Variants in ZNF24 observed in about 807,000 individuals in gnomAD.
ZNF24 encodes the protein retinoic acid suppression protein A.
ZNF24 carries 11 observed loss-of-function variants against 40.9 expected under a neutral mutation model. The ratio of observed to expected loss-of-function variants is 0.27; its 90% confidence interval spans 0.17 to 0.45. ZNF24 has a LOEUF of 0.45. Ranked by LOEUF, ZNF24 falls within the 20% of genes least tolerant of loss-of-function variation. The pLI, the probability that ZNF24 is intolerant of heterozygous loss-of-function variation, is 1.00. For missense variants in ZNF24, 293 were observed against 437.7 expected, an observed-to-expected ratio of 0.67 and a Z score of 2.95; for synonymous variants, 139 against 154.7, an observed-to-expected ratio of 0.90 and a Z score of 0.75.
Position 35,340,072 on chromosome 18 carries a change from G to C in ZNF24, c.421-96C>G. 6.7e-7 allele frequency: 1 copy of C among 1,502,240 alleles called. No individual in the cohort carries two copies. The highest frequency in any genetic ancestry group is 1.8e-4 in the Middle Eastern group (1 of 5,582). 93.1% of individuals were successfully genotyped at this position (1,502,240 alleles called of 1,614,324 possible). A position where few individuals can be genotyped will look rare whatever the true frequency, so the allele number is the denominator to read the frequency against. On this transcript the variant is annotated intron_variant, in intron 2 of 3. Transcript: ENST00000261332. The surrounding 1 kb of genome is among the most constrained non-coding windows in gnomAD (Gnocchi z 4.6). The stretch of plus-strand genomic sequence containing the variant: ...ACCCCATGAAACAAATACTGCAGAA[G>C]CCTAGATGGCAAAGCGGCACAGATA...
At position 35,340,136 on chromosome 18, in the gene ZNF24, A is replaced by G. The variant is rs990345472; in HGVS notation, c.420+95T>C. ...GGGGAATGGGGGAAAAGGCATAAACATAATTCTAACTTAGTTGAGTGGAAT... is the reference window on the plus strand; with the variant it reads ...GGGGAATGGGGGAAAAGGCATAAACGTAATTCTAACTTAGTTGAGTGGAAT... On this transcript the variant is annotated intron_variant, in intron 2 of 3. Transcript: ENST00000261332. This position sits in a 1 kb window ranked among gnomAD's most constrained non-coding sequence, Gnocchi z 4.6. The G allele has an allele frequency of 2.1e-5, 32 of 1,521,204 alleles. No individual in the cohort carries two copies. The highest frequency in any genetic ancestry group is 9.7e-5 in the African/African-American group (7 of 72,522). The allele number at this position is 1,521,204 out of a possible 1,614,324, so 94.2% of individuals were successfully genotyped here.
intron 3 of ZNF24, chr18:35,338,981 G>A: frequency 6.5e-7 from 1 of 1,531,266 alleles, no homozygotes; most frequent in South Asian, 1.2e-5. Flanking sequence ...AAGTTGACTG[G>A]CTGGCACTGT....
At chr18:35,343,210 A>C (rs2044985350) in intron 1 of ZNF24, among the ~76,000 whole-genome samples, 1 of 152,184 alleles carries the variant, frequency 6.6e-6, no homozygotes, top group Non-Finnish European at 1.5e-5. Flanking sequence ...TCTTGCACAT[A>C]ATACGTAAAT....
chr18:35,343,316 C>T (rs1333766206), intron 1 of ZNF24, among the ~76,000 whole-genome samples: 1 of 152,168 alleles, frequency 6.6e-6, no homozygotes, highest in Non-Finnish European at 1.5e-5. Context: ...CGCATAAGCA[C>T]CTTGACTTCC....
chr18:35,342,082 GCTA>G (rs1373196848), intron 1 of ZNF24, among the ~76,000 whole-genome samples: 2 of 152,072 alleles, frequency 1.3e-5, no homozygotes, highest in African/African-American at 4.8e-5. Flanking sequence ...TGTAGTCCCA[GCTA>G]CTGGGGAGAT....
At chr18:35,341,318 C>T (rs11877024) in intron 1 of ZNF24, among the ~76,000 whole-genome samples, 2 of 152,154 alleles carry the variant, frequency 1.3e-5, no homozygotes, top group Non-Finnish European at 2.9e-5. Context: ...AAGGTCAATA[C>T]ATTACTCACA....
At chr18:35,338,830 C>G (rs2044938130) in intron 3 of ZNF24, 1 of 1,344,178 alleles carries the variant, frequency 7.4e-7, no homozygotes, top group African/African-American at 1.5e-5. Context: ...TGAAAAGTCA[C>G]TCTAAAATTC....
At position 35,340,705 on chromosome 18, in the gene ZNF24, G is replaced by A. The variant is rs563744361; in HGVS notation, c.-55C>T. ...ACTGAGGCAGAATATAAGCCTCAGGGCAATACCCCGTTTTCTTCACAGGCA... is the reference window on the plus strand; with the variant it reads ...ACTGAGGCAGAATATAAGCCTCAGGACAATACCCCGTTTTCTTCACAGGCA... On this transcript the variant is annotated 5_prime_UTR_variant, in exon 2 of 4. Coordinates refer to ENST00000261332, the MANE Select transcript of ZNF24 (RefSeq NM_006965.4). This position sits in a 1 kb window ranked among gnomAD's most constrained non-coding sequence, Gnocchi z 4.6. 2.0e-6 allele frequency: 3 copies of A among 1,516,092 alleles called. No homozygotes were observed. Among genetic ancestry groups the A allele is most frequent in the Middle Eastern group, 1.8e-4 (1 of 5,712 alleles). The allele number at this position is 1,516,092 out of a possible 1,614,324, so 93.9% of individuals were successfully genotyped here. A position where few individuals can be genotyped will look rare whatever the true frequency, so the allele number is the denominator to read the frequency against.
In ZNF24 at chr18:35,335,336, C is replaced by T. The variant is rs1412769993; in HGVS notation, c.*1896G>A. On this transcript the variant is annotated 3_prime_UTR_variant, in exon 4 of 4. Transcript: ENST00000261332. ...ACATTTTCTTGTATAACTTAAAATA[C>T]ATTATATCATTACTACATATTTATA... 6.6e-6 allele frequency: 1 copy of T among 152,152 alleles called. No individual in the cohort carries two copies. The highest frequency in any genetic ancestry group is 1.5e-5 in the Non-Finnish European group (1 of 68,028). 9.4% of individuals were successfully genotyped at this position (152,152 alleles called of 1,614,324 possible).
At chr18:35,338,712 G>T in intron 3 of ZNF24, 12 of 1,145,822 alleles carry the variant, frequency 1.0e-5, no homozygotes, top group Non-Finnish European at 1.3e-5. Context: ...GAGGCTTGGA[G>T]ACTTGAAAAA....
In ZNF24 at chr18:35,337,641, CAGGTTT is replaced by C; in HGVS notation, c.692_697del (p.Glu231_Cys233delinsGly). 1 of 1,614,016 alleles carries C rather than the reference CAGGTTT, an allele frequency of 6.2e-7. No individual in the cohort carries two copies. Among genetic ancestry groups the C allele is most frequent in the Non-Finnish European group, 8.5e-7 (1 of 1,179,986 alleles). On this transcript the variant is annotated inframe_deletion, in exon 4 of 4. Coordinates refer to ENST00000261332, the MANE Select transcript of ZNF24 (RefSeq NM_006965.4). The stretch of plus-strand genomic sequence containing the variant: ...TCTTTCAAACCTGCCCTTGGGGAAA[CAGGTTT>C]CTCCATATTTAAAAATTTGAGGAAC...
chr18:35,337,282 G>T lies in ZNF24; in HGVS notation c.1057C>A (p.His353Asn). The T allele has an allele frequency of 6.5e-7, 1 of 1,549,556 alleles. No homozygotes were observed. The highest frequency in any genetic ancestry group is 8.7e-7 in the Non-Finnish European group (1 of 1,143,790). ...TTTTCTGCATTGTGTCTTCTCTGAT[G>T]TCTAAAAAGATTTGAGCTTTGACTA... is the stretch of plus-strand genomic sequence containing the variant. ...SYSQSSNLFR[H>N]QRRHNAEKLL... Residue 353 changes from histidine (H) to asparagine (N), a missense_variant, in exon 4 of 4, where the codon CAT (histidine) becomes AAT (asparagine). Coordinates refer to ENST00000261332, the MANE Select transcript of ZNF24 (RefSeq NM_006965.4).
chr18:35,337,326 A>G lies in ZNF24; in HGVS notation c.1013T>C (p.Val338Ala), dbSNP rs1396781758. 6.2e-7 allele frequency: 1 copy of G among 1,613,304 alleles called. No individual in the cohort carries two copies. Among genetic ancestry groups the G allele is most frequent in the Non-Finnish European group, 8.5e-7 (1 of 1,179,604 alleles). ...IHTGEKPYEC[V>A]QCGKSYSQSS... ...TTGACTATACGATTTCCCACACTGAACGCATTCATAAGGTTTCTCCCCAGT... is the reference window on the plus strand; with the variant it reads ...TTGACTATACGATTTCCCACACTGAGCGCATTCATAAGGTTTCTCCCCAGT... The change falls in exon 4 of 4, where the codon GTT (valine) becomes GCT (alanine). Residue 338 changes from valine (V) to alanine (A), a missense_variant. Val to Ala is a moderately conservative substitution (Grantham distance 64, BLOSUM62 0). This residue lies in a region of ZNF24 where 59 missense variants were observed against 138.6 expected (regional missense o/e 0.43). Transcript: ENST00000261332.
chr18:35,336,409 G>A lies in ZNF24; in HGVS notation c.*823C>T, dbSNP rs1380837326. ...TATGTTTACATTTGCCTTCAACACT[G>A]CCATCCGCTACAAATTTTTCCCTAG... On this transcript the variant is annotated 3_prime_UTR_variant, in exon 4 of 4. Transcript: ENST00000261332. 3 of 152,106 alleles carry A rather than the reference G, an allele frequency of 2.0e-5. No homozygotes were observed. Among genetic ancestry groups the A allele is most frequent in the Admixed American group, 6.5e-5 (1 of 15,276 alleles). 9.4% of individuals were successfully genotyped at this position (152,106 alleles called of 1,614,324 possible).
chr18:35,337,627 T>C lies in ZNF24; in HGVS notation c.712A>G (p.Arg238Gly). ...KYGETCFPKGRFERKRNPSRK... is the reference protein window; with the variant it reads ...KYGETCFPKGGFERKRNPSRK... ...GAGGGATTTCTCTTTCTTTCAAACC[T>C]GCCCTTGGGGAAACAGGTTTCTCCA... The change falls in exon 4 of 4, where the codon AGG becomes GGG. Residue 238 changes from arginine to glycine, a missense_variant. Physicochemically the swap from Arg to Gly is moderately radical, Grantham distance 125. Around this residue, in one of 2 missense-constraint regions of ZNF24, gnomAD observed 234 missense variants for 299.2 expected, o/e 0.78. Transcript: ENST00000261332. 6.2e-7 allele frequency: 1 copy of C among 1,614,126 alleles called. No homozygotes were observed. Among genetic ancestry groups the C allele is most frequent in the Non-Finnish European group, 8.5e-7 (1 of 1,179,996 alleles).
Position 35,340,011 on chromosome 18 carries a change from T to G in ZNF24, c.421-35A>C. On this transcript the variant is annotated intron_variant, in intron 2 of 3. Coordinates refer to ENST00000261332, the MANE Select transcript of ZNF24 (RefSeq NM_006965.4). This position sits in a 1 kb window ranked among gnomAD's most constrained non-coding sequence, Gnocchi z 4.6. ...GAAAGATTTGATTCAGAGAAGGAAC[T>G]GTAATGAGAATCAGAACTAAAAACA... 3 of 1,588,556 alleles carry G rather than the reference T, an allele frequency of 1.9e-6. No homozygotes were observed. The highest frequency in any genetic ancestry group is 2.6e-6 in the Non-Finnish European group (3 of 1,162,052).
At position 35,339,981 on chromosome 18, in the gene ZNF24, A is replaced by C. The variant is rs770795541; in HGVS notation, c.421-5T>G. The C allele has an allele frequency of 5.6e-6, 9 of 1,605,786 alleles. No homozygotes were observed. The highest frequency in any genetic ancestry group is 7.7e-6 in the Non-Finnish European group (9 of 1,173,832). The stretch of plus-strand genomic sequence containing the variant: ...TTTTCGTCGACGGAGAGAAACCTGG[A>C]AACAGAAAGATTTGATTCAGAGAAG... On this transcript the variant is annotated splice_polypyrimidine_tract_variant and splice_region_variant and intron_variant, in intron 2 of 3. Transcript: ENST00000261332.
chr18:35,339,448 A>G (rs1402461542), intron 3 of ZNF24, among the ~76,000 whole-genome samples: 1 of 151,604 alleles, frequency 6.6e-6, no homozygotes, highest in African/African-American at 2.4e-5. Context: ...AGATTAGAAG[A>G]GGTTTTCAGG....
intron 1 of ZNF24, among the ~76,000 whole-genome samples, chr18:35,341,445 T>C (rs977103941): frequency 3.3e-5 from 5 of 152,262 alleles, no homozygotes; most frequent in African/African-American, 1.2e-4. Context: ...CTGGTTTATG[T>C]ATTTACTATA....
Sources: gnomAD v4.1 joint callset for allele counts (sites outside exome capture counted in the v4.1 genomes callset) on GRCh38, gnomAD v4.1.1 for gene constraint, gnomAD v4.1.1 regional missense constraint, Gnocchi (gnomAD v3.1) non-coding constraint, MANE v1.5 for transcripts, NCBI Gene and HGNC (gene_info 2026-07-23, HGNC 2026-07-21) for gene names.